The following MTMR12 variants were observed in gnomAD, a reference collection of about 807,000 sequenced individuals.
The protein encoded by MTMR12 is myotubularin-related protein 12.
Under a neutral mutation model 96.7 loss-of-function variants are expected in MTMR12, and 33 were observed. The observed-to-expected ratio is 0.34, with a 90% CI of 0.26 to 0.46. The LOEUF (loss-of-function observed/expected upper bound fraction) is 0.46. Among genes scored for constraint, MTMR12 ranks in the 20% least tolerant of loss-of-function variants. The pLI is 1.00. For missense variants in MTMR12, 721 were observed against 896.1 expected (o/e 0.80, Z 2.49); for synonymous variants, 298 against 327.2 (o/e 0.91, Z 0.96).
intron 4 of MTMR12, among the ~76,000 whole-genome samples, chr5:32,271,469 T>C (rs1433887064): frequency 2.0e-5 from 3 of 152,176 alleles, no homozygotes; most frequent in Non-Finnish European, 4.4e-5. Flanking sequence ...CAGGAGAGGC[T>C]TGTTTAGTCA....
At chr5:32,252,056 G>A (rs982572752) in intron 8 of MTMR12, among the ~76,000 whole-genome samples, 1 of 152,204 alleles carries the variant, frequency 6.6e-6, no homozygotes, top group African/African-American at 2.4e-5. Context: ...GGTCCGTTAA[G>A]CACAGTTTGC....
chr5:32,257,087 G>T (rs184662038), intron 7 of MTMR12, among the ~76,000 whole-genome samples: 8 of 152,184 alleles, frequency 5.3e-5, no homozygotes, highest in Non-Finnish European at 1.0e-4. Flanking sequence ...CAACACTTTG[G>T]GGGGCCAAGG....
chr5:32,233,064 G>C lies in MTMR12; in HGVS notation c.1674+709C>G, dbSNP rs1249392056. The C allele has an allele frequency of 1.1e-5, 11 of 957,402 alleles. No individual in the cohort carries two copies. The highest frequency in any genetic ancestry group is 1.8e-5 in the African/African-American group (1 of 56,550). 59.3% of individuals were successfully genotyped at this position (957,402 alleles called of 1,614,324 possible). A position where few individuals can be genotyped will look rare whatever the true frequency, so the allele number is the denominator to read the frequency against. The stretch of plus-strand genomic sequence containing the variant: ...ATAATTCATCAGTTAGGGAACTTTG[G>C]GATTATCAACTAAAATGACTTTCTG... On this transcript the variant is annotated intron_variant, in intron 15 of 15. Transcript: ENST00000382142. This position sits in a 1 kb window ranked among gnomAD's most constrained non-coding sequence, Gnocchi z 5.0.
At chr5:32,276,873 CTTTTTTTTTTTTTTTTTT>C (rs779455702) in intron 1 of MTMR12, 131 bp from the exon 2 acceptor site, 12 of 123,738 alleles carry the variant, frequency 9.7e-5, no homozygotes, top group Non-Finnish European at 1.5e-4. Context: ...TTACAAGCTA[CTTTTTTTTTTTTTTTTTT>C]TTTTTTTTTT....
In MTMR12 at chr5:32,241,964, C is replaced by G. The variant is rs1213818661; in HGVS notation, c.1171+93G>C. ...GAAGGATTTCTACACTAACTCACTC[C>G]TTTTGTTTCCAAATACATAAAGCTA... On this transcript the variant is annotated intron_variant, in intron 12 of 15. Transcript: ENST00000382142. 4 of 1,061,478 alleles carry G rather than the reference C, an allele frequency of 3.8e-6. No homozygotes were observed. In the East Asian group the frequency reaches 9.7e-5, roughly 26 times the overall value. 65.8% of individuals were successfully genotyped at this position (1,061,478 alleles called of 1,614,324 possible). A position where few individuals can be genotyped will look rare whatever the true frequency, so the allele number is the denominator to read the frequency against.
intron 10 of MTMR12, among the ~76,000 whole-genome samples, chr5:32,246,260 G>A (rs763457280): frequency 2.5e-4 from 37 of 149,512 alleles, no homozygotes; most frequent in Non-Finnish European, 4.4e-4. Context: ...TCCACCTCTC[G>A]GGTTCATTTT....
chr5:32,309,298 G>A (rs1366944423), intron 1 of MTMR12, among the ~76,000 whole-genome samples: 2 of 151,994 alleles, frequency 1.3e-5, no homozygotes, highest in Non-Finnish European at 2.9e-5. Context: ...CTTCAACCAG[G>A]GTTCTATCAA....
intron 13 of MTMR12, among the ~76,000 whole-genome samples, chr5:32,238,239 C>T (rs1468899109): frequency 1.3e-5 from 2 of 151,734 alleles, no homozygotes; most frequent in Admixed American, 6.6e-5. Context: ...TAGGGTCTCA[C>T]TGTCACTCAG....
chr5:32,245,807 AAC>A (rs777450028), intron 10 of MTMR12, among the ~76,000 whole-genome samples: 43 of 152,030 alleles, frequency 2.8e-4, no homozygotes, highest in Non-Finnish European at 5.4e-4. Context: ...CAGCCTGGGC[AAC>A]AGAGTGAGAA....
At position 32,233,783 on chromosome 5, in the gene MTMR12, A is replaced by C. The variant is rs577347511; in HGVS notation, c.1664T>G (p.Met555Arg). Residue 555 changes from methionine to arginine, a missense_variant, in exon 15 of 16, where the codon ATG becomes AGG. By Grantham distance (91) the Met-to-Arg change is moderately conservative. Coordinates refer to ENST00000382142, the MANE Select transcript of MTMR12 (RefSeq NM_001040446.3). The surrounding 1 kb of genome is among the most constrained non-coding windows in gnomAD (Gnocchi z 5.0). ...ATGTGGACATCTTACTTTGAAGCGC[A>C]TTCCTTTCCGTTGGCCTTTGTCCAG... ...PKLDKGQRKG[M>R]RFKHQRQLSL... 1 of 1,614,190 alleles carries C rather than the reference A, an allele frequency of 6.2e-7. No homozygotes were observed. Among genetic ancestry groups the C allele is most frequent in the Non-Finnish European group, 8.5e-7 (1 of 1,180,032 alleles).
intron 1 of MTMR12, among the ~76,000 whole-genome samples, chr5:32,287,075 C>G (rs1750567355): frequency 6.6e-6 from 1 of 152,150 alleles, no homozygotes; most frequent in Admixed American, 6.6e-5. Context: ...CAGAAAGGGT[C>G]AAAGAAGACT....
chr5:32,273,894 A>G, intron 3 of MTMR12, 86 bp downstream of exon 3: 1 of 1,561,814 alleles, frequency 6.4e-7, no homozygotes, highest in African/African-American at 1.4e-5. Context: ...TAGGGGGTAG[A>G]GTAACTGAGA....
Position 32,229,669 on chromosome 5 carries a change from G to C in MTMR12, c.*109C>G. ...CCGAAGGCCCAGGTTTATTCTAACG[G>C]AGTGCCGGGCTAAGGACCCAGCCAG... is the stretch of plus-strand genomic sequence containing the variant. On this transcript the variant is annotated 3_prime_UTR_variant, in exon 16 of 16. Coordinates refer to ENST00000382142, the MANE Select transcript of MTMR12 (RefSeq NM_001040446.3). 9.5e-7 allele frequency: 1 copy of C among 1,053,430 alleles called. No individual in the cohort carries two copies. The highest frequency in any genetic ancestry group is 1.3e-6 in the Non-Finnish European group (1 of 771,716). 65.3% of individuals were successfully genotyped at this position (1,053,430 alleles called of 1,614,324 possible). A position where few individuals can be genotyped will look rare whatever the true frequency, so the allele number is the denominator to read the frequency against.
chr5:32,255,924 G>A (rs1002477554), intron 7 of MTMR12, 156 bp from the exon 8 acceptor site: 16 of 593,260 alleles, frequency 2.7e-5, no homozygotes, highest in African/African-American at 1.9e-4. Context: ...TGCTGCTTTC[G>A]GTGTGGCGTG....
intron 1 of MTMR12, among the ~76,000 whole-genome samples, chr5:32,292,907 CTTT>C (rs1474384617): frequency 2.0e-5 from 3 of 151,062 alleles, no homozygotes; most frequent in East Asian, 2.4e-4. Flanking sequence ...TTTCCTCCTT[CTTT>C]TGTTAAAAAC....
chr5:32,288,386 C>A (rs1409556068), intron 1 of MTMR12, among the ~76,000 whole-genome samples: 1 of 152,142 alleles, frequency 6.6e-6, no homozygotes, highest in African/African-American at 2.4e-5. Context: ...CACTGATGGC[C>A]TCCCCTGAGG....
At chr5:32,251,459 A>G (rs1748920729) in intron 8 of MTMR12, among the ~76,000 whole-genome samples, 1 of 152,180 alleles carries the variant, frequency 6.6e-6, no homozygotes, top group Non-Finnish European at 1.5e-5. Flanking sequence ...TTAAAAGACA[A>G]TGTCATCAGA....
At chr5:32,264,520 G>T (rs561158662) in intron 6 of MTMR12, among the ~76,000 whole-genome samples, 1 of 152,026 alleles carries the variant, frequency 6.6e-6, no homozygotes, top group South Asian at 2.1e-4. Flanking sequence ...GAGTGCAGCG[G>T]CGTGATCTCA....
chr5:32,268,637 T>C lies in MTMR12; in HGVS notation c.583+64A>G, dbSNP rs539894619. 1,219 of 1,386,394 alleles carry C rather than the reference T, an allele frequency of 8.8e-4. 23 individuals are homozygous for C. In the South Asian group the frequency reaches 0.012, roughly 13 times the overall value. The allele number at this position is 1,386,394 out of a possible 1,614,324, so 85.9% of individuals were successfully genotyped here. On this transcript the variant is annotated intron_variant, in intron 6 of 15. Transcript: ENST00000382142. ...AACCCATAGATGTGTTCTCCCCCAC[T>C]GGCTTCAGGTGGGAATTGGAAGGCT... is the stretch of plus-strand genomic sequence containing the variant.
Sources: allele counts gnomAD v4.1 joint callset (sites outside exome capture counted in the v4.1 genomes callset), GRCh38; gene constraint gnomAD v4.1.1; non-coding constraint Gnocchi (gnomAD v3.1); transcripts MANE v1.5; gene names NCBI Gene and HGNC (gene_info 2026-07-23, HGNC 2026-07-21).